FBXL2: variants seen among roughly 807,000 people sequenced by gnomAD.
The protein encoded by FBXL2 is F-box/LRR-repeat protein 2.
A neutral mutation model predicts 69.2 loss-of-function variants in FBXL2; 38 were observed. The observed-to-expected ratio is 0.55, with a 90% CI of 0.42 to 0.72. The LOEUF (loss-of-function observed/expected upper bound fraction) is 0.72. FBXL2 is among the 30% of genes least tolerant of loss of function. The pLI is 0.00. For missense variants in FBXL2, 354 were observed against 520.3 expected, an observed-to-expected ratio of 0.68 and a Z score of 3.11; for synonymous variants, 192 against 201.3, an observed-to-expected ratio of 0.95 and a Z score of 0.39.
chr3:33,348,108 C>A (rs1490817622), intron 2 of FBXL2, among the ~76,000 whole-genome samples: 2 of 152,094 alleles, frequency 1.3e-5, no homozygotes, highest in African/African-American at 4.8e-5. Context: ...AAAACAATGT[C>A]CTGGAGCATT....
Position 33,360,876 on chromosome 3 carries a change from A to G in FBXL2, c.195+1519A>G, listed in dbSNP as rs149582030. ...TCTTCATGTCTCCTCAATTTTGATG[A>G]CTTTTCCAACCATACAACTTTTTTG... On this transcript the variant is annotated intron_variant, in intron 4 of 14. Coordinates refer to ENST00000484457, the MANE Select transcript of FBXL2 (RefSeq NM_012157.5). Among the ~76,000 whole-genome samples, 6 of 142,774 alleles carry G rather than the reference A, an allele frequency of 4.2e-5. No individual in the cohort carries two copies. The East Asian group carries it at 1.3e-3, about 30-fold the overall frequency. The allele number at this position is 142,774 out of a possible 152,430, so 93.7% of individuals were successfully genotyped here. A position where few individuals can be genotyped will look rare whatever the true frequency, so the allele number is the denominator to read the frequency against.
At chr3:33,421,043 G>C in the FBXL2 span, among the ~76,000 whole-genome samples, 5,857 of 152,288 alleles carry the variant, frequency 0.038, 139 homozygotes, top group South Asian at 0.07. Context: ...GTCAGCAAGG[G>C]GGTAAGATCA....
At chr3:33,382,821 T>G (rs774204538) in intron 13 of FBXL2, 14 of 152,212 alleles carry the variant, frequency 9.2e-5, no homozygotes, top group Non-Finnish European at 1.8e-4. Flanking sequence ...GACCTTGGAA[T>G]CAGAACTAAA....
intron 2 of FBXL2, among the ~76,000 whole-genome samples, chr3:33,356,966 A>G (rs2041246024): frequency 1.3e-5 from 2 of 152,208 alleles, no homozygotes; most frequent in South Asian, 4.1e-4. Context: ...TGTAGTGGTC[A>G]TGGCTTGTGC....
Position 33,359,023 on chromosome 3 carries a change from T to C in FBXL2, c.120+2T>C. 1 of 1,536,538 alleles carries C rather than the reference T, an allele frequency of 6.5e-7. No individual in the cohort carries two copies. The highest frequency in any genetic ancestry group is 8.8e-7 in the Non-Finnish European group (1 of 1,133,936). Reference sequence around the variant, plus strand: ...TGCCGATGTGCACAGATTTCCAAGGTAGAGTATTCACCAGATTTTTTAATC... The same window carrying C: ...TGCCGATGTGCACAGATTTCCAAGGCAGAGTATTCACCAGATTTTTTAATC... On this transcript the variant is annotated splice_donor_variant, in intron 3 of 14. Coordinates refer to ENST00000484457, the MANE Select transcript of FBXL2 (RefSeq NM_012157.5). LOFTEE classifies it high-confidence loss of function.
intron 1 of FBXL2, chr3:33,278,100 C>T (rs2033520349): frequency 6.6e-6 from 1 of 151,886 alleles, no homozygotes; most frequent in African/African-American, 2.4e-5. Flanking sequence ...TTCTGAGTGC[C>T]GCACCCTCAC....
At chr3:33,374,818 T>A (rs1009447165) in intron 9 of FBXL2, among the ~76,000 whole-genome samples, 18 of 152,302 alleles carry the variant, frequency 1.2e-4, no homozygotes, top group African/African-American at 4.3e-4. Context: ...TTTCCTATTG[T>A]CTAAAACATT....
chr3:33,365,717 TCGAC>T (rs991653179), intron 5 of FBXL2, among the ~76,000 whole-genome samples: 3 of 141,754 alleles, frequency 2.1e-5, no homozygotes, highest in African/African-American at 5.3e-5. Context: ...ATGAGACTCT[TCGAC>T]CAAACAAACA....
chr3:33,281,127 G>A (rs2033953066), intron 1 of FBXL2, among the ~76,000 whole-genome samples: 1 of 152,116 alleles, frequency 6.6e-6, no homozygotes, highest in Non-Finnish European at 1.5e-5. Context: ...GTATACATGG[G>A]CCATGTTGGT....
chr3:33,293,012 G>A (rs111740714), intron 1 of FBXL2, among the ~76,000 whole-genome samples: 1 of 152,170 alleles, frequency 6.6e-6, no homozygotes, highest in African/African-American at 2.4e-5. Context: ...AATGCAGGGA[G>A]AATTTTTTCT....
chr3:33,377,953 C>G, intron 11 of FBXL2, 150 bp from the exon 12 acceptor site: 1 of 735,950 alleles, frequency 1.4e-6, no homozygotes, highest in African/African-American at 1.7e-5. Context: ...TTCAGAAGTG[C>G]TGGTTTACTG....
intron 2 of FBXL2, among the ~76,000 whole-genome samples, chr3:33,309,085 G>A (rs2036960062): frequency 6.6e-6 from 1 of 152,084 alleles, no homozygotes; most frequent in South Asian, 2.1e-4. Context: ...ATGTCTGTTA[G>A]GTCCTCTTGA....
rs137997160 is a variant in FBXL2, at chr3:33,291,664, A to G, written c.4-6000A>G. 4.9e-4 allele frequency among the ~76,000 whole-genome samples: 75 copies of G among 152,320 alleles called. 1 individual carries two copies. The East Asian group carries it at 0.014, about 28-fold the overall frequency. Reference sequence around the variant, plus strand: ...TTAAAGATGCACTCTATAATCACTAAAGCAAACATTGAAAAAAAATACAGA... The same window carrying G: ...TTAAAGATGCACTCTATAATCACTAGAGCAAACATTGAAAAAAAATACAGA... On this transcript the variant is annotated intron_variant, in intron 1 of 14. Transcript: ENST00000484457.
At chr3:33,390,374 GA>G, downstream of FBXL2, 1 of 1,613,802 alleles carries the variant, frequency 6.2e-7, no homozygotes, top group Non-Finnish European at 8.5e-7. Context: ...TTCAGCTGCA[GA>G]AAAAGGAAAG....
At chr3:33,416,784 G>A in the FBXL2 span, 1 of 1,613,242 alleles carries the variant, frequency 6.2e-7, no homozygotes, top group Non-Finnish European at 8.5e-7. Flanking sequence ...TTGATCTCAG[G>A]CATATCACCC....
chr3:33,398,770 T>TG (rs2044108827), intron 12 of FBXL2, among the ~76,000 whole-genome samples: 1 of 152,238 alleles, frequency 6.6e-6, no homozygotes, highest in Non-Finnish European at 1.5e-5. Flanking sequence ...AGGAGTAATG[T>TG]GGGGCCTCCT....
intron 2 of FBXL2, among the ~76,000 whole-genome samples, chr3:33,317,132 A>G (rs962132854): frequency 2.6e-5 from 4 of 152,026 alleles, no homozygotes; most frequent in Admixed American, 1.3e-4. Context: ...TCCTAGCCTT[A>G]AGCAATTTTC....
chr3:33,396,330 C>G, intron 12 of FBXL2: 4 of 1,380,002 alleles, frequency 2.9e-6, no homozygotes, highest in Non-Finnish European at 4.0e-6. Flanking sequence ...AGCTGCCTTA[C>G]ACATGTACAA....
chr3:33,377,404 T>A, intron 11 of FBXL2, 71 bp downstream of exon 11: 1 of 1,488,002 alleles, frequency 6.7e-7, no homozygotes, highest in Non-Finnish European at 9.4e-7. Context: ...CTTGGAGTGG[T>A]TTTGGGTGTG....
Sources: allele counts gnomAD v4.1 joint callset (sites outside exome capture counted in the v4.1 genomes callset), GRCh38; gene constraint gnomAD v4.1.1; transcripts MANE v1.5; gene names NCBI Gene and HGNC (gene_info 2026-07-23, HGNC 2026-07-21).